The following LRRC49 variants were observed in gnomAD, a reference collection of about 807,000 sequenced individuals.
LRRC49 encodes leucine rich repeat containing 49.
Under a neutral mutation model 83.3 loss-of-function variants are expected in LRRC49, and 50 were observed. The ratio of observed to expected loss-of-function variants is 0.60; its 90% CI spans 0.48 to 0.76. LRRC49 has a LOEUF of 0.76. Ranked by LOEUF, LRRC49 falls within the 30% of genes least tolerant of loss-of-function variation. The probability of loss-of-function intolerance (pLI) is 0.00; values close to 1 mark genes in which losing one functional copy is unlikely to be tolerated. For missense variants in LRRC49, 704 were observed against 809.1 expected, an observed-to-expected ratio of 0.87 and a Z score of 1.58; for synonymous variants, 286 against 283.3, an observed-to-expected ratio of 1.01 and a Z score of -0.10.
chr15:70,883,051 G>T (rs1258269430), intron 2 of LRRC49: 1 of 719,102 alleles, frequency 1.4e-6, no homozygotes, highest in Non-Finnish European at 2.2e-6. Flanking sequence ...TAGGCAAGGT[G>T]AATCTATAGT....
chr15:70,855,233 G>T (rs1270895346), intron 1 of LRRC49, among the ~76,000 whole-genome samples: 1 of 151,918 alleles, frequency 6.6e-6, no homozygotes, highest in Non-Finnish European at 1.5e-5. Flanking sequence ...TACTCGGGAG[G>T]CTGAGGCAGG....
intron 15 of LRRC49, among the ~76,000 whole-genome samples, chr15:71,044,023 G>A (rs1341927515): frequency 6.6e-6 from 1 of 152,138 alleles, no homozygotes; most frequent in Admixed American, 6.5e-5. Context: ...TAAATGCATT[G>A]CTTGTAAAAT....
chr15:71,049,704 A>G lies in LRRC49; in HGVS notation c.*92A>G. The G allele has an allele frequency of 1.3e-6, 1 of 787,098 alleles. No homozygotes were observed. The highest frequency in any genetic ancestry group is 2.1e-6 in the Non-Finnish European group (1 of 482,932). 48.8% of individuals were successfully genotyped at this position (787,098 alleles called of 1,614,324 possible). On this transcript the variant is annotated 3_prime_UTR_variant, in exon 16 of 16. Coordinates refer to ENST00000260382, the MANE Select transcript of LRRC49 (RefSeq NM_017691.5). ...TACATGTTAAAACAACAACAACACT[A>G]TCCTATAAACTAGAAAGACTAGTAT...
intron 1 of LRRC49, chr15:70,859,840 G>A: frequency 1.3e-6 from 1 of 765,282 alleles, no homozygotes; most frequent in South Asian, 1.3e-5. Context: ...AGTACCAGGA[G>A]CTGATGAATG....
chr15:70,944,162 C>G (rs7171887), intron 8 of LRRC49, among the ~76,000 whole-genome samples: 4 of 152,032 alleles, frequency 2.6e-5, no homozygotes, highest in African/African-American at 9.7e-5. Context: ...ACCCCAAATT[C>G]TTAGTCTTGA....
intron 2 of LRRC49, chr15:70,873,229 T>G: frequency 6.5e-7 from 1 of 1,536,068 alleles, no homozygotes; most frequent in African/African-American, 1.4e-5. Context: ...CTGAGGTAAG[T>G]CTACACTTTC....
intron 2 of LRRC49, chr15:70,894,507 C>A (rs1165014053): frequency 1.4e-5 from 8 of 578,828 alleles, no homozygotes; most frequent in Non-Finnish European, 2.1e-5. Flanking sequence ...GAATTTCTGG[C>A]TTTTGATTTA....
At chr15:70,860,356 T>G (rs1400112666) in intron 1 of LRRC49, among the ~76,000 whole-genome samples, 1 of 152,178 alleles carries the variant, frequency 6.6e-6, no homozygotes, top group African/African-American at 2.4e-5. Context: ...ACAATTCAAT[T>G]GCTTTTTAAA....
chr15:71,017,531 A>C (rs1237056858), intron 14 of LRRC49, among the ~76,000 whole-genome samples: 1 of 152,150 alleles, frequency 6.6e-6, no homozygotes, highest in Non-Finnish European at 1.5e-5. Flanking sequence ...AAGACAGTTG[A>C]GATAATAGAA....
chr15:71,019,722 A>G (rs2038935897), intron 14 of LRRC49, among the ~76,000 whole-genome samples: 1 of 152,244 alleles, frequency 6.6e-6, no homozygotes, highest in African/African-American at 2.4e-5. Flanking sequence ...AACAAAAAGC[A>G]GTCCTCATAT....
intron 1 of LRRC49, among the ~76,000 whole-genome samples, chr15:70,867,085 G>A (rs1209597952): frequency 4.6e-5 from 7 of 150,674 alleles, no homozygotes; most frequent in Non-Finnish European, 7.4e-5. Flanking sequence ...AGGCTATCAA[G>A]GTCCAAGCAG....
chr15:70,906,349 C>A (rs979598512), intron 5 of LRRC49, among the ~76,000 whole-genome samples: 4 of 152,162 alleles, frequency 2.6e-5, no homozygotes, highest in African/African-American at 9.7e-5. Flanking sequence ...CCTGCCTTGG[C>A]CTCCCAAAGT....
chr15:71,031,739 G>T lies in LRRC49; in HGVS notation c.1704-5440G>T, dbSNP rs1596162799. 1.2e-4 allele frequency among the ~76,000 whole-genome samples: 19 copies of T among 152,206 alleles called. No homozygotes were observed. In the South Asian group the frequency reaches 3.9e-3, roughly 32 times the overall value. ...AAGGAGGAATCTAGAGAAGCAGTCT[G>T]GCCAGAGTCACTTTGCCATGCCCAG... On this transcript the variant is annotated intron_variant, in intron 14 of 15. Coordinates refer to ENST00000260382, the MANE Select transcript of LRRC49 (RefSeq NM_017691.5).
chr15:71,008,557 G>A lies in LRRC49; in HGVS notation c.1348G>A (p.Glu450Lys). The A allele has an allele frequency of 6.2e-7, 1 of 1,612,620 alleles. No individual in the cohort carries two copies. The highest frequency in any genetic ancestry group is 8.5e-7 in the Non-Finnish European group (1 of 1,179,068). ...MITTVSFTFIEFDEIVQVLPK... is the reference protein window; with the variant it reads ...MITTVSFTFIKFDEIVQVLPK... ...CACAACAGTCTCCTTCACTTTCATA[G>A]AATTTGATGAAATCGTCCAAGTGCT... The change falls in exon 12 of 16, where the codon GAA becomes AAA. Residue 450 changes from glutamate to lysine, a missense_variant. This residue lies in a region of LRRC49 where 275 missense variants were observed against 338.0 expected (regional missense o/e 0.81). Transcript: ENST00000260382.
intron 15 of LRRC49, among the ~76,000 whole-genome samples, chr15:71,049,204 G>A (rs2141317033): frequency 6.6e-6 from 1 of 152,204 alleles, no homozygotes; most frequent in East Asian, 1.9e-4. Context: ...AGTAGACTGA[G>A]AAGTACTGAG....
intron 5 of LRRC49, among the ~76,000 whole-genome samples, chr15:70,908,827 A>G (rs985962875): frequency 6.6e-6 from 1 of 152,242 alleles, no homozygotes; most frequent in Non-Finnish European, 1.5e-5. Flanking sequence ...AGTTTCAGGA[A>G]GGGACTGTTA....
At chr15:70,959,033 GAATA>G (rs1012274841) in intron 8 of LRRC49, among the ~76,000 whole-genome samples, 13 of 152,194 alleles carry the variant, frequency 8.5e-5, no homozygotes, top group Admixed American at 5.2e-4. Context: ...TTTAGTGCCT[GAATA>G]AATAAAGTAT....
intron 8 of LRRC49, among the ~76,000 whole-genome samples, chr15:70,954,877 G>T (rs1339936584): frequency 6.6e-6 from 1 of 152,164 alleles, no homozygotes; most frequent in African/African-American, 2.4e-5. Flanking sequence ...CAGGGGCACT[G>T]TGGGCAGGAT....
intron 10 of LRRC49, among the ~76,000 whole-genome samples, chr15:70,983,397 A>C (rs1362093935): frequency 6.6e-6 from 1 of 152,100 alleles, no homozygotes; most frequent in African/African-American, 2.4e-5. Context: ...CTAAATCAGC[A>C]ATCTGTTATA....
Sources: gnomAD v4.1 joint callset for allele counts (sites outside exome capture counted in the v4.1 genomes callset) on GRCh38, gnomAD v4.1.1 for gene constraint, gnomAD v4.1.1 regional missense constraint, MANE v1.5 for transcripts, NCBI Gene and HGNC (gene_info 2026-07-23, HGNC 2026-07-21) for gene names.